SOBP: variants seen among roughly 807,000 people sequenced by gnomAD.
SOBP encodes sine oculis binding protein homolog.
SOBP carries 4 observed loss-of-function variants against 53.6 expected under a neutral mutation model. That is an observed-to-expected ratio of 0.07 (90% CI 0.04 to 0.17). The LOEUF is 0.17. SOBP is among the 10% of genes least tolerant of loss of function. SOBP has a pLI of 1.00. For synonymous variants in SOBP, 584 were observed against 522.6 expected (o/e 1.12, Z -1.60); for missense variants, 1,088 against 1,204.7 (o/e 0.90, Z 1.43).
intron 5 of SOBP, among the ~76,000 whole-genome samples, chr6:107,606,580 G>A (rs116692248): frequency 7.2e-5 from 11 of 152,328 alleles, no homozygotes; most frequent in African/African-American, 2.2e-4. Context: ...GGGAAAAGGC[G>A]AGGCAGCTAA....
At chr6:107,617,759 A>G (rs2092849) in intron 5 of SOBP, among the ~76,000 whole-genome samples, 88,520 of 150,402 alleles carry the variant, frequency 0.59, 27,792 homozygotes, top group Middle Eastern at 0.78. Flanking sequence ...GGCCAAGCCC[A>G]TGCTCTCTCT....
At chr6:107,583,268 T>C (rs1408035646) in intron 4 of SOBP, among the ~76,000 whole-genome samples, 1 of 152,216 alleles carries the variant, frequency 6.6e-6, no homozygotes, top group Non-Finnish European at 1.5e-5. Context: ...GAGATCAGAC[T>C]CTGTCCTTGC....
At chr6:107,550,355 GTGTC>G (rs1178755253) in intron 4 of SOBP, among the ~76,000 whole-genome samples, 1 of 152,224 alleles carries the variant, frequency 6.6e-6, no homozygotes, top group Non-Finnish European at 1.5e-5. Flanking sequence ...GCTCAGAAGA[GTGTC>G]TGTTTGAGCG....
At chr6:107,537,386 C>A (rs769555846) in intron 4 of SOBP, among the ~76,000 whole-genome samples, 25 of 152,174 alleles carry the variant, frequency 1.6e-4, no homozygotes, top group Non-Finnish European at 3.7e-4. Flanking sequence ...CTACTGCAGG[C>A]AATGTAAAGG....
chr6:107,645,920 A>G (rs996120879), intron 6 of SOBP, among the ~76,000 whole-genome samples: 2 of 152,226 alleles, frequency 1.3e-5, no homozygotes, highest in African/African-American at 4.8e-5. Context: ...GGCTGGAACA[A>G]AGGGCTTGAC....
intron 4 of SOBP, among the ~76,000 whole-genome samples, chr6:107,546,847 A>G (rs1188735526): frequency 6.6e-6 from 1 of 152,252 alleles, no homozygotes; most frequent in African/African-American, 2.4e-5. Context: ...CAAGTAATTC[A>G]TTTAGAGTTT....
chr6:107,521,708 G>C (rs575358934), intron 3 of SOBP, among the ~76,000 whole-genome samples: 1 of 152,154 alleles, frequency 6.6e-6, no homozygotes, highest in African/African-American at 2.4e-5. Flanking sequence ...CATTTGTGTT[G>C]AGCACATACC....
chr6:107,585,944 T>C (rs1785551623), intron 4 of SOBP, among the ~76,000 whole-genome samples: 1 of 152,172 alleles, frequency 6.6e-6, no homozygotes, highest in Non-Finnish European at 1.5e-5. Context: ...CAGTGTATGC[T>C]CATTGTTTTC....
chr6:107,521,717 C>T (rs1369213827), intron 3 of SOBP, among the ~76,000 whole-genome samples: 1 of 152,104 alleles, frequency 6.6e-6, no homozygotes. Context: ...TGAGCACATA[C>T]CTAAGATAGA....
chr6:107,583,135 A>C (rs1404973800), intron 4 of SOBP, among the ~76,000 whole-genome samples: 1 of 152,242 alleles, frequency 6.6e-6, no homozygotes, highest in Non-Finnish European at 1.5e-5. Context: ...CTGATTCTCT[A>C]GGGTAAGGAA....
At chr6:107,531,536 A>G (rs988909400) in intron 3 of SOBP, among the ~76,000 whole-genome samples, 1 of 152,198 alleles carries the variant, frequency 6.6e-6, no homozygotes, top group East Asian at 1.9e-4. Flanking sequence ...CTAATTTTTC[A>G]TACCATGTAA....
chr6:107,501,363 C>G (rs1434895029), intron 1 of SOBP, among the ~76,000 whole-genome samples: 1 of 152,266 alleles, frequency 6.6e-6, no homozygotes, highest in East Asian at 1.9e-4. Context: ...ATATCCTTGG[C>G]TAGGGGGTTG....
intron 3 of SOBP, among the ~76,000 whole-genome samples, chr6:107,526,472 C>T (rs1308385021): frequency 6.6e-6 from 1 of 152,198 alleles, no homozygotes; most frequent in Non-Finnish European, 1.5e-5. Context: ...CTGGCTCCTG[C>T]AGTTCCACTG....
chr6:107,510,873 C>T (rs1783150651), intron 3 of SOBP: 1 of 152,148 alleles, frequency 6.6e-6, no homozygotes. Context: ...GTGCACCTCT[C>T]AAGATAGGGA....
chr6:107,604,804 G>A (rs1047328037), intron 5 of SOBP, among the ~76,000 whole-genome samples: 3 of 152,188 alleles, frequency 2.0e-5, no homozygotes, highest in African/African-American at 2.4e-5. Flanking sequence ...TGGAGCCTCC[G>A]AATCTCTCAG....
intron 1 of SOBP, among the ~76,000 whole-genome samples, chr6:107,496,795 A>G (rs1166573883): frequency 6.6e-6 from 1 of 152,184 alleles, no homozygotes; most frequent in Non-Finnish European, 1.5e-5. Flanking sequence ...TAACTATACC[A>G]TTGGATCCAG....
chr6:107,565,318 G>T (rs7775895), intron 4 of SOBP, among the ~76,000 whole-genome samples: 8 of 152,020 alleles, frequency 5.3e-5, no homozygotes, highest in Non-Finnish European at 8.8e-5. Flanking sequence ...TCCATCTGCC[G>T]TAGAATCTGT....
intron 5 of SOBP, among the ~76,000 whole-genome samples, chr6:107,597,292 T>C (rs1310812549): frequency 6.6e-6 from 1 of 152,206 alleles, no homozygotes; most frequent in African/African-American, 2.4e-5. Context: ...AGTTCCAAAT[T>C]GTCTGGTAAT....
At position 107,506,373 on chromosome 6, in the gene SOBP, A is replaced by G; in HGVS notation, c.367A>G (p.Ser123Gly). Residue 123 changes from serine (S) to glycine (G), a missense_variant, in exon 3 of 7, where the codon AGT becomes GGT. By Grantham distance (56) the Ser-to-Gly change is moderately conservative (BLOSUM62 0). Around this residue, in one of 6 missense-constraint regions of SOBP, gnomAD observed 112 missense variants for 117.9 expected, o/e 0.95. Transcript: ENST00000317357. ...DSPAGSKDHG[S>G]VPIIVPLIPP... Reference sequence around the variant, plus strand: ...ACCTGCAGGGTCAAAGGATCATGGCAGTGTGCCCATTATTGTACCTTTAAT... The same window carrying G: ...ACCTGCAGGGTCAAAGGATCATGGCGGTGTGCCCATTATTGTACCTTTAAT... The G allele has an allele frequency of 1.9e-6, 3 of 1,614,236 alleles. No homozygotes were observed. The African/African-American group carries it at 4.0e-5, about 22-fold the overall frequency.
Sources: gnomAD v4.1 joint callset for allele counts (sites outside exome capture counted in the v4.1 genomes callset) on GRCh38, gnomAD v4.1.1 for gene constraint, gnomAD v4.1.1 regional missense constraint, MANE v1.5 for transcripts, NCBI Gene and HGNC (gene_info 2026-07-23, HGNC 2026-07-21) for gene names.